TAFA1: variants seen among roughly 807,000 people sequenced by gnomAD.
The protein encoded by TAFA1 is TAFA chemokine like family member 1.
Under a neutral mutation model 18.5 loss-of-function variants are expected in TAFA1, and 4 were observed. The observed-to-expected ratio is 0.22, with a 90% CI of 0.11 to 0.49. The LOEUF is 0.49. Ranked by LOEUF, TAFA1 falls within the 20% of genes least tolerant of loss-of-function variation. The probability of loss-of-function intolerance (pLI) is 0.98; values close to 1 mark genes in which losing one functional copy is unlikely to be tolerated. For synonymous variants in TAFA1, 56 were observed against 55.2 expected (o/e 1.01, Z -0.06); for missense variants, 147 against 169.0 (o/e 0.87, Z 0.72).
intron 2 of TAFA1, chr3:68,145,728 A>C (rs1023225852): frequency 5.8e-6 from 4 of 688,372 alleles, no homozygotes; most frequent in Middle Eastern, 4.1e-4. Context: ...TGGATGGCTT[A>C]AGCACCTCAG....
intron 2 of TAFA1, among the ~76,000 whole-genome samples, chr3:68,308,912 T>A (rs1230259523): frequency 6.6e-6 from 1 of 152,198 alleles, no homozygotes; most frequent in African/African-American, 2.4e-5. Flanking sequence ...TGAATGATCT[T>A]CTTCCTTCCT....
intron 3 of TAFA1, among the ~76,000 whole-genome samples, chr3:68,445,275 G>A (rs969813897): frequency 6.6e-6 from 1 of 152,130 alleles, no homozygotes; most frequent in Admixed American, 6.6e-5. Flanking sequence ...TTTTGGGAAA[G>A]TGATAACGAC....
chr3:68,531,136 A>C (rs976211893), intron 3 of TAFA1, among the ~76,000 whole-genome samples: 1 of 152,152 alleles, frequency 6.6e-6, no homozygotes, highest in African/African-American at 2.4e-5. Flanking sequence ...AAAGTTACTT[A>C]GTCTCTCCGG....
At chr3:68,063,513 T>C (rs886646235) in intron 2 of TAFA1, among the ~76,000 whole-genome samples, 9 of 152,222 alleles carry the variant, frequency 5.9e-5, no homozygotes, top group Non-Finnish European at 1.3e-4. Context: ...TTCATAATTA[T>C]AATGTAAAAT....
intron 3 of TAFA1, among the ~76,000 whole-genome samples, chr3:68,427,907 T>C (rs2071088733): frequency 6.6e-6 from 1 of 151,956 alleles, no homozygotes; most frequent in Admixed American, 6.6e-5. Context: ...GCTGCCACCA[T>C]GTAATTTGTG....
chr3:68,519,742 G>A (rs1227416891), intron 3 of TAFA1, among the ~76,000 whole-genome samples: 3 of 152,152 alleles, frequency 2.0e-5, no homozygotes, highest in Non-Finnish European at 2.9e-5. Flanking sequence ...AAAGCAGAGT[G>A]AGGTTTCTGG....
intron 2 of TAFA1, among the ~76,000 whole-genome samples, chr3:68,219,355 T>C (rs376884441): frequency 1.3e-5 from 2 of 152,174 alleles, no homozygotes; most frequent in African/African-American, 2.4e-5. Context: ...ATAGACATTA[T>C]TGAACTGAAT....
intron 3 of TAFA1, among the ~76,000 whole-genome samples, chr3:68,481,642 A>G (rs1378021151): frequency 2.0e-5 from 3 of 152,160 alleles, no homozygotes; most frequent in Non-Finnish European, 4.4e-5. Flanking sequence ...CCTTACCTCC[A>G]GGGGTATTGA....
At chr3:68,037,986 T>G (rs1478385694) in intron 2 of TAFA1, among the ~76,000 whole-genome samples, 1 of 152,190 alleles carries the variant, frequency 6.6e-6, no homozygotes, top group Non-Finnish European at 1.5e-5. Context: ...CAACTTTCCA[T>G]AGATTGCATA....
intron 2 of TAFA1, among the ~76,000 whole-genome samples, chr3:68,267,548 C>T (rs1438013588): frequency 6.6e-6 from 1 of 152,148 alleles, no homozygotes; most frequent in Non-Finnish European, 1.5e-5. Context: ...GATTGGTGCC[C>T]TGATTCAAGT....
At chr3:68,358,710 C>A (rs914759389) in intron 2 of TAFA1, among the ~76,000 whole-genome samples, 1 of 151,846 alleles carries the variant, frequency 6.6e-6, no homozygotes, top group Non-Finnish European at 1.5e-5. Context: ...TAAATGCTGC[C>A]CTTCCTTTAA....
chr3:68,176,473 C>T (rs990746175), intron 2 of TAFA1, among the ~76,000 whole-genome samples: 3 of 152,184 alleles, frequency 2.0e-5, no homozygotes, highest in African/African-American at 7.2e-5. Flanking sequence ...CAGAGTGAGA[C>T]TCCACCAAGT....
intron 2 of TAFA1, among the ~76,000 whole-genome samples, chr3:68,076,396 C>A (rs1364189853): frequency 6.6e-6 from 1 of 151,166 alleles, no homozygotes; most frequent in Non-Finnish European, 1.5e-5. Flanking sequence ...CATGCTGGTG[C>A]GCTGCACCCA....
intron 4 of TAFA1, among the ~76,000 whole-genome samples, chr3:68,539,178 A>C (rs2106790090): frequency 6.6e-6 from 1 of 152,326 alleles, no homozygotes; most frequent in African/African-American, 2.4e-5. Context: ...TCCAACATTT[A>C]TAATGCTCAG....
intron 1 of TAFA1, among the ~76,000 whole-genome samples, chr3:68,005,156 A>C (rs1704336248): frequency 1.3e-5 from 2 of 152,202 alleles, no homozygotes; most frequent in Non-Finnish European, 2.9e-5. Context: ...AAAAGTCCCC[A>C]AATACATTCA....
chr3:68,145,996 G>A (rs1350864892), intron 2 of TAFA1, among the ~76,000 whole-genome samples: 2 of 152,110 alleles, frequency 1.3e-5, no homozygotes, highest in South Asian at 2.1e-4. Flanking sequence ...TCAAGCTTGT[G>A]CAACCACAAC....
chr3:68,167,105 G>T (rs2065991634), intron 2 of TAFA1, among the ~76,000 whole-genome samples: 1 of 152,110 alleles, frequency 6.6e-6, no homozygotes, highest in African/African-American at 2.4e-5. Flanking sequence ...GCCTCAGGGA[G>T]GTTAAATGAG....
At chr3:68,264,249 A>G (rs2067495772) in intron 2 of TAFA1, among the ~76,000 whole-genome samples, 1 of 152,212 alleles carries the variant, frequency 6.6e-6, no homozygotes, top group Admixed American at 6.5e-5. Context: ...CAGCCTGGGC[A>G]ACAAAGTGAG....
intron 2 of TAFA1, among the ~76,000 whole-genome samples, chr3:68,055,244 G>A (rs1173898421): frequency 6.6e-6 from 1 of 152,158 alleles, no homozygotes; most frequent in Non-Finnish European, 1.5e-5. Context: ...CTGAGGAGCA[G>A]AGGAATTTAT....
Sources: gnomAD v4.1 joint callset for allele counts (sites outside exome capture counted in the v4.1 genomes callset) on GRCh38, gnomAD v4.1.1 for gene constraint, MANE v1.5 for transcripts, NCBI Gene and HGNC (gene_info 2026-07-23, HGNC 2026-07-21) for gene names.